Variants in NCK2 observed in about 807,000 individuals in gnomAD.
NCK2 encodes the protein NCK adaptor protein 2, also known as cytoplasmic protein NCK2.
Under a neutral mutation model 33.9 loss-of-function variants are expected in NCK2, and 16 were observed. The ratio of observed to expected loss-of-function variants is 0.47; its 90% CI spans 0.32 to 0.72. NCK2 has a LOEUF of 0.72. Ranked by LOEUF, NCK2 falls within the 30% of genes least tolerant of loss-of-function variation. NCK2 has a pLI of 0.03. For missense variants in NCK2, 418 were observed against 537.3 expected, an observed-to-expected ratio of 0.78 and a Z score of 2.19; for synonymous variants, 273 against 239.9, an observed-to-expected ratio of 1.14 and a Z score of -1.27.
chr2:105,785,109 C>T (rs1690630834), intron 1 of NCK2, among the ~76,000 whole-genome samples: 1 of 152,172 alleles, frequency 6.6e-6, no homozygotes, highest in South Asian at 2.1e-4. Flanking sequence ...CTCCTGAGCA[C>T]ATGGGACTAC....
chr2:105,886,657 G>A (rs1475913636), intron 4 of NCK2, among the ~76,000 whole-genome samples: 1 of 152,152 alleles, frequency 6.6e-6, no homozygotes, highest in Non-Finnish European at 1.5e-5. Context: ...TGACTTAAAT[G>A]TATCACTCAG....
chr2:105,871,225 TACAG>T (rs1677986448), intron 3 of NCK2, among the ~76,000 whole-genome samples: 1 of 151,832 alleles, frequency 6.6e-6, no homozygotes, highest in African/African-American at 2.4e-5. Flanking sequence ...AGGAGATAAA[TACAG>T]AGAGATGAGG....
chr2:105,783,742 C>G (rs746682649), intron 1 of NCK2, among the ~76,000 whole-genome samples: 1 of 151,648 alleles, frequency 6.6e-6, no homozygotes, highest in African/African-American at 2.4e-5. Flanking sequence ...AAAATGATGA[C>G]CTCCACTCTT....
At chr2:105,811,849 G>A (rs1675304595) in intron 1 of NCK2, among the ~76,000 whole-genome samples, 1 of 152,010 alleles carries the variant, frequency 6.6e-6, no homozygotes, top group Admixed American at 6.6e-5. Flanking sequence ...TAGGGGTTTC[G>A]CCCATCGATT....
At chr2:105,819,399 A>T (rs572608439) in intron 2 of NCK2, among the ~76,000 whole-genome samples, 1 of 152,170 alleles carries the variant, frequency 6.6e-6, no homozygotes, top group African/African-American at 2.4e-5. Context: ...TCATGTATCA[A>T]TCCACTTGTC....
intron 2 of NCK2, among the ~76,000 whole-genome samples, chr2:105,826,135 C>T (rs1675933028): frequency 6.6e-6 from 1 of 152,172 alleles, no homozygotes; most frequent in Non-Finnish European, 1.5e-5. Context: ...AACTGGGAGG[C>T]CTCAGGAAAC....
intron 1 of NCK2, among the ~76,000 whole-genome samples, chr2:105,748,033 A>G (rs1689343973): frequency 6.6e-6 from 1 of 152,230 alleles, no homozygotes; most frequent in African/African-American, 2.4e-5. Flanking sequence ...GTTAGCAAGT[A>G]TTACCTCTGC....
chr2:105,768,256 A>C (rs184966193), intron 1 of NCK2, among the ~76,000 whole-genome samples: 64 of 152,312 alleles, frequency 4.2e-4, no homozygotes, highest in Admixed American at 2.6e-3. Context: ...TGGACTCACC[A>C]CCCCTTGAGT....
chr2:105,887,098 A>G (rs1190830633), intron 4 of NCK2, among the ~76,000 whole-genome samples: 1 of 152,256 alleles, frequency 6.6e-6, no homozygotes, highest in East Asian at 1.9e-4. Flanking sequence ...ACTGACAGCT[A>G]GCAGCATAAG....
rs957657363 is a variant in NCK2 at position 105,854,102 on chromosome 2, C to G, written c.-16-946C>G. 2.6e-5 allele frequency: 4 copies of G among 152,214 alleles called. No individual in the cohort carries two copies. The East Asian group carries it at 7.7e-4, about 29-fold the overall frequency. 9.4% of individuals were successfully genotyped at this position (152,214 alleles called of 1,614,324 possible). On this transcript the variant is annotated intron_variant, in intron 2 of 4. Transcript: ENST00000233154. Reference sequence around the variant, plus strand: ...TTAAGGATAAACTGTCAGAATCACACAGTGTGTAGCCTTTTCAGATTGGCT... The same window carrying G: ...TTAAGGATAAACTGTCAGAATCACAGAGTGTGTAGCCTTTTCAGATTGGCT...
At chr2:105,807,242 G>A (rs1267587794) in intron 1 of NCK2, among the ~76,000 whole-genome samples, 2 of 152,202 alleles carry the variant, frequency 1.3e-5, no homozygotes. Flanking sequence ...CGTGGGAAGG[G>A]CCGCCCTCGC....
intron 2 of NCK2, among the ~76,000 whole-genome samples, chr2:105,822,267 T>A (rs1675770756): frequency 6.6e-6 from 1 of 152,126 alleles, no homozygotes; most frequent in South Asian, 2.1e-4. Flanking sequence ...CCCGAGGGCC[T>A]CTGCTGCTCC....
intron 1 of NCK2, among the ~76,000 whole-genome samples, chr2:105,748,661 T>C (rs1434800126): frequency 6.6e-6 from 1 of 152,168 alleles, no homozygotes; most frequent in Middle Eastern, 3.2e-3. Context: ...CAAGTGAGCC[T>C]CCTGCCTTGA....
At position 105,811,535 on chromosome 2, in the gene NCK2, C is replaced by T. The variant is rs143564676; in HGVS notation, c.-200-4895C>T. The stretch of plus-strand genomic sequence containing the variant: ...AGCTAGGGAATCCAGAAGTTGCCAG[C>T]CTGGAGATTCAGTCCTTGTCTTTAA... On this transcript the variant is annotated intron_variant, in intron 1 of 4. Coordinates refer to ENST00000233154, the MANE Select transcript of NCK2 (RefSeq NM_003581.5). 1.9e-3 allele frequency among the ~76,000 whole-genome samples: 290 copies of T among 152,318 alleles called. 1 individual carries two copies. Among genetic ancestry groups the T allele is most frequent in the Non-Finnish European group, 3.0e-3 (202 of 68,028 alleles).
chr2:105,891,318 CCT>C (rs1286308311), intron 4 of NCK2, among the ~76,000 whole-genome samples: 2 of 151,898 alleles, frequency 1.3e-5, no homozygotes, highest in East Asian at 3.9e-4. Flanking sequence ...CATCTGTACA[CCT>C]CTATTTATCT....
chr2:105,802,130 A>G (rs55760016), intron 1 of NCK2, among the ~76,000 whole-genome samples: 1,680 of 152,306 alleles, frequency 0.011, 31 homozygotes, highest in African/African-American at 0.038. Context: ...GGTTAGAGCA[A>G]TGGGGACCAT....
At chr2:105,884,632 A>G (rs1678645824) in intron 4 of NCK2, among the ~76,000 whole-genome samples, 1 of 152,224 alleles carries the variant, frequency 6.6e-6, no homozygotes, top group Non-Finnish European at 1.5e-5. Context: ...ATTTCAGGGA[A>G]GACAAACATT....
intron 1 of NCK2, among the ~76,000 whole-genome samples, chr2:105,790,477 C>G (rs1334497870): frequency 6.6e-6 from 1 of 152,160 alleles, no homozygotes; most frequent in Non-Finnish European, 1.5e-5. Flanking sequence ...GCCTGGGAGC[C>G]CGGCCACCCC....
At chr2:105,768,669 T>A (rs1690026307) in intron 1 of NCK2, among the ~76,000 whole-genome samples, 1 of 152,192 alleles carries the variant, frequency 6.6e-6, no homozygotes, top group Non-Finnish European at 1.5e-5. Flanking sequence ...CATGATGAGT[T>A]TTTTTTGAAA....
Sources: allele counts gnomAD v4.1 joint callset (sites outside exome capture counted in the v4.1 genomes callset), GRCh38; gene constraint gnomAD v4.1.1; transcripts MANE v1.5; gene names NCBI Gene and HGNC (gene_info 2026-07-23, HGNC 2026-07-21).